Variants in SOX6 observed in about 807,000 individuals in gnomAD.
The protein encoded by SOX6 is transcription factor SOX-6.
Under a neutral mutation model 97.8 loss-of-function variants are expected in SOX6, and 11 were observed. The observed-to-expected ratio is 0.11, with a 90% CI of 0.07 to 0.19. The LOEUF is 0.19. SOX6 is among the 10% of genes least tolerant of loss of function. The pLI, the probability that SOX6 is intolerant of heterozygous loss-of-function variation, is 1.00. For synonymous variants in SOX6, 360 were observed against 371.4 expected (o/e 0.97, Z 0.35); for missense variants, 810 against 1,039.5 (o/e 0.78, Z 3.04).
chr11:16,143,985 C>T (rs1850220300), intron 6 of SOX6, among the ~76,000 whole-genome samples: 1 of 152,172 alleles, frequency 6.6e-6, no homozygotes, highest in Admixed American at 6.5e-5. Context: ...TTGAACTCAG[C>T]TCTGCACCAG....
At chr11:16,269,762 A>C (rs1854194528) in intron 3 of SOX6, among the ~76,000 whole-genome samples, 1 of 151,192 alleles carries the variant, frequency 6.6e-6, no homozygotes, top group Non-Finnish European at 1.5e-5. Context: ...TATTTTCTAC[A>C]AAAGCTATTA....
intron 4 of SOX6, among the ~76,000 whole-genome samples, chr11:16,195,168 TA>T (rs1353897744): frequency 6.6e-6 from 1 of 152,216 alleles, no homozygotes; most frequent in East Asian, 1.9e-4. Context: ...GGCATTTTCT[TA>T]AAAATTCTTG....
At chr11:16,511,518 T>C (rs1425258009) in intron 4 of SOX6, among the ~76,000 whole-genome samples, 1 of 152,138 alleles carries the variant, frequency 6.6e-6, no homozygotes, top group Non-Finnish European at 1.5e-5. Context: ...GTTTTTGTTT[T>C]TGTTTTTGTT....
At chr11:16,455,837 CT>C (rs1309804634) in intron 1 of SOX6, among the ~76,000 whole-genome samples, 1 of 152,010 alleles carries the variant, frequency 6.6e-6, no homozygotes, top group Non-Finnish European at 1.5e-5. Context: ...GTATTTATTA[CT>C]ATTAACATGT....
At chr11:16,142,397 G>A (rs1402981193) in intron 6 of SOX6, among the ~76,000 whole-genome samples, 4 of 152,118 alleles carry the variant, frequency 2.6e-5, no homozygotes, top group African/African-American at 9.7e-5. Flanking sequence ...CCACAAAGAT[G>A]GGGGAAAAAC....
At chr11:16,057,686 G>C (rs1214528598) in intron 9 of SOX6, among the ~76,000 whole-genome samples, 7 of 152,100 alleles carry the variant, frequency 4.6e-5, no homozygotes, top group African/African-American at 1.7e-4. Context: ...TTTGGTACAA[G>C]AGCTTCCTGA....
At position 16,421,578 on chromosome 11, in the gene SOX6, A is replaced by G. The variant is rs552686073; in HGVS notation, c.-5+54737T>C. 1.1e-4 allele frequency among the ~76,000 whole-genome samples: 16 copies of G among 152,300 alleles called. No individual in the cohort carries two copies. In the Middle Eastern group the frequency reaches 0.014, roughly 130 times the overall value. ...ATAATGCCCATTATCTCAATTAAAC[A>G]TCTTCAGAAATAGCCGTAGTAATGA... On this transcript the variant is annotated intron_variant, in intron 1 of 15. Coordinates refer to the SOX6 transcript ENST00000396356.
intron 3 of SOX6, among the ~76,000 whole-genome samples, chr11:16,310,171 T>A (rs950689602): frequency 1.3e-5 from 2 of 151,982 alleles, no homozygotes; most frequent in African/African-American, 2.4e-5. Context: ...TTCAACCAAA[T>A]AATATATTAC....
chr11:16,150,497 C>T (rs1415356540), intron 6 of SOX6, among the ~76,000 whole-genome samples: 2 of 152,060 alleles, frequency 1.3e-5, no homozygotes, highest in African/African-American at 2.4e-5. Context: ...AACAAGATTT[C>T]TTCCCTCCCC....
intron 1 of SOX6, among the ~76,000 whole-genome samples, chr11:16,427,314 T>C (rs888969202): frequency 7.3e-6 from 1 of 136,946 alleles, no homozygotes; most frequent in South Asian, 2.5e-4. Flanking sequence ...GCAACGGACA[T>C]GACCATGCAC....
At chr11:16,132,322 GGAAGGAAGGAAAGAAA>G (rs1849777124) in intron 6 of SOX6, among the ~76,000 whole-genome samples, 49 of 77,860 alleles carry the variant, frequency 6.3e-4, no homozygotes, top group South Asian at 1.0e-3. Context: ...AAGGAAGGAA[GGAAGGAAGGAAAGAAA>G]AAAGAAAGAA....
intron 12 of SOX6, chr11:16,023,212 A>C (rs1056524658): frequency 2.0e-5 from 3 of 152,080 alleles, no homozygotes; most frequent in African/African-American, 7.2e-5. Flanking sequence ...GTGGTGTTCC[A>C]TCACCACATT....
At chr11:16,378,105 C>T (rs1857692100) in intron 1 of SOX6, among the ~76,000 whole-genome samples, 1 of 152,048 alleles carries the variant, frequency 6.6e-6, no homozygotes, top group Non-Finnish European at 1.5e-5. Context: ...ATAGAGAAAA[C>T]ATCAAAACAA....
chr11:16,004,047 T>C (rs1228660095), intron 13 of SOX6, among the ~76,000 whole-genome samples: 1 of 151,756 alleles, frequency 6.6e-6, no homozygotes, highest in African/African-American at 2.4e-5. Flanking sequence ...CATATATATG[T>C]GTGTATATAT....
chr11:16,219,761 G>C (rs1852484280), intron 4 of SOX6, among the ~76,000 whole-genome samples: 2 of 151,968 alleles, frequency 1.3e-5, no homozygotes, highest in African/African-American at 4.8e-5. Flanking sequence ...AGGAGGTCTA[G>C]TACTATGGGC....
At chr11:16,268,389 A>C (rs1050141322) in intron 3 of SOX6, among the ~76,000 whole-genome samples, 2 of 151,284 alleles carry the variant, frequency 1.3e-5, no homozygotes, top group African/African-American at 4.8e-5. Context: ...TACCTTGATA[A>C]GACTATGTTG....
At position 16,315,845 on chromosome 11, in the gene SOX6, T is replaced by C. The variant is rs1160685132; in HGVS notation, c.445+2601A>G. 2.0e-5 allele frequency: 3 copies of C among 152,318 alleles called. No individual in the cohort carries two copies. In the East Asian group the frequency reaches 5.8e-4, roughly 29 times the overall value. The allele number at this position is 152,318 out of a possible 1,614,324, so 9.4% of individuals were successfully genotyped here. A position where few individuals can be genotyped will look rare whatever the true frequency, so the allele number is the denominator to read the frequency against. ...TAATTCCTTCAACCATTCTTCTTCT[T>C]ATATAATTTCATCTCTGCGATTATA... On this transcript the variant is annotated intron_variant, in intron 3 of 15. Coordinates refer to ENST00000683767, the MANE Select transcript of SOX6 (RefSeq NM_001367873.1).
intron 3 of SOX6, among the ~76,000 whole-genome samples, chr11:16,263,405 T>C (rs1463927158): frequency 2.6e-5 from 4 of 152,014 alleles, no homozygotes; most frequent in Admixed American, 1.3e-4. Flanking sequence ...ATTTGTACTA[T>C]AGAAAGTGAA....
At chr11:16,671,350 A>C (rs1056650755) in intron 3 of SOX6, among the ~76,000 whole-genome samples, 2 of 152,242 alleles carry the variant, frequency 1.3e-5, no homozygotes, top group African/African-American at 4.8e-5. Flanking sequence ...AATGAAGGTC[A>C]TTGAGATTCA....
Sources: allele counts gnomAD v4.1 joint callset (sites outside exome capture counted in the v4.1 genomes callset), GRCh38; gene constraint gnomAD v4.1.1; transcripts MANE v1.5; gene names NCBI Gene and HGNC (gene_info 2026-07-23, HGNC 2026-07-21).